Variants in GRID2 observed in about 807,000 individuals in gnomAD.
The protein encoded by GRID2 is glutamate ionotropic receptor delta type subunit 2.
Under a neutral mutation model 114.8 loss-of-function variants are expected in GRID2, and 33 were observed. The ratio of observed to expected loss-of-function variants is 0.29; its 90% CI spans 0.22 to 0.38. The LOEUF (loss-of-function observed/expected upper bound fraction) is 0.38. Among genes scored for constraint, GRID2 ranks in the 10% least tolerant of loss-of-function variants. The pLI is 1.00. For missense variants in GRID2, 1,184 were observed against 1,257.7 expected (o/e 0.94, Z 0.89); for synonymous variants, 505 against 449.9 (o/e 1.12, Z -1.55).
At chr4:93,078,511 G>A (rs1368620610) in intron 2 of GRID2, among the ~76,000 whole-genome samples, 1 of 150,774 alleles carries the variant, frequency 6.6e-6, no homozygotes, top group Non-Finnish European at 1.5e-5. Context: ...GTATATATAT[G>A]CACATATATA....
At chr4:92,745,423 G>A (rs1484397787) in intron 2 of GRID2, among the ~76,000 whole-genome samples, 1 of 152,004 alleles carries the variant, frequency 6.6e-6, no homozygotes, top group Non-Finnish European at 1.5e-5. Flanking sequence ...TAGGCATATT[G>A]TATAGACACA....
At chr4:92,405,728 A>T (rs74477390) in intron 1 of GRID2, among the ~76,000 whole-genome samples, 1 of 152,060 alleles carries the variant, frequency 6.6e-6, no homozygotes, top group African/African-American at 2.4e-5. Context: ...AAAAAAAAAA[A>T]ATCAGCTTAT....
In GRID2 at chr4:93,594,031, G is replaced by A. The variant is rs375056050; in HGVS notation, c.2194-32238G>A. Among the ~76,000 whole-genome samples, 27 of 151,952 alleles carry A rather than the reference G, an allele frequency of 1.8e-4. 1 individual carries two copies. In the East Asian group the frequency reaches 3.5e-3, roughly 20 times the overall value. ...TCCCGTAGCTCAGAGTAATTTGATC[G>A]TCTGAAGCCTTCTTCTCTCAGCTCG... is the stretch of plus-strand genomic sequence containing the variant. On this transcript the variant is annotated intron_variant, in intron 13 of 15. Transcript: ENST00000282020.
intron 13 of GRID2, among the ~76,000 whole-genome samples, chr4:93,606,848 T>C (rs528339086): frequency 1.3e-5 from 2 of 152,264 alleles, no homozygotes; most frequent in South Asian, 4.1e-4. Flanking sequence ...CTAACTATTA[T>C]TTTACTGTAT....
intron 2 of GRID2, among the ~76,000 whole-genome samples, chr4:92,888,759 T>C (rs1210037330): frequency 6.6e-6 from 1 of 151,778 alleles, no homozygotes; most frequent in African/African-American, 2.4e-5. Flanking sequence ...TTTTATAATA[T>C]GTTTCTCTTG....
chr4:92,675,387 T>C (rs1246083888), intron 2 of GRID2, among the ~76,000 whole-genome samples: 11 of 152,072 alleles, frequency 7.2e-5, no homozygotes, highest in Admixed American at 7.2e-4. Flanking sequence ...TCCAAAAATT[T>C]CTCTTCAGAA....
chr4:93,474,558 A>G (rs576812600), intron 11 of GRID2, among the ~76,000 whole-genome samples: 25 of 152,270 alleles, frequency 1.6e-4, no homozygotes, highest in Middle Eastern at 6.8e-3. Flanking sequence ...TAGGAAGCCC[A>G]TGATCTAAAC....
At chr4:93,481,285 A>G (rs1196604869) in intron 11 of GRID2, among the ~76,000 whole-genome samples, 1 of 152,056 alleles carries the variant, frequency 6.6e-6, no homozygotes, top group Non-Finnish European at 1.5e-5. Context: ...AGAAGTGGTG[A>G]GAGGTTGCTT....
At chr4:93,352,254 A>T (rs189822293) in intron 8 of GRID2, among the ~76,000 whole-genome samples, 14 of 152,130 alleles carry the variant, frequency 9.2e-5, no homozygotes. Flanking sequence ...GTTAATAACT[A>T]TATTCAAATA....
At chr4:93,080,546 C>A (rs765084308) in intron 2 of GRID2, among the ~76,000 whole-genome samples, 1 of 152,128 alleles carries the variant, frequency 6.6e-6, no homozygotes, top group African/African-American at 2.4e-5. Flanking sequence ...ACTGAATAAA[C>A]TAGAAACTCT....
intron 1 of GRID2, among the ~76,000 whole-genome samples, chr4:93,802,288 T>C: frequency 6.6e-6 from 1 of 152,160 alleles, no homozygotes; most frequent in East Asian, 1.9e-4. Context: ...CTTCATCACT[T>C]ACATTTATCT....
intron 2 of GRID2, among the ~76,000 whole-genome samples, chr4:92,972,400 A>G (rs1005088223): frequency 4.6e-5 from 7 of 152,082 alleles, no homozygotes; most frequent in Non-Finnish European, 1.0e-4. Flanking sequence ...AATATAGAGT[A>G]AAATATTTGA....
Position 92,922,210 on chromosome 4 carries a change from G to A in GRID2, c.245-162785G>A, listed in dbSNP as rs144739213. On this transcript the variant is annotated intron_variant, in intron 2 of 15. Coordinates refer to ENST00000282020, the MANE Select transcript of GRID2 (RefSeq NM_001510.4). ...GACAGTTGGAAAAGCACAGTATTAC[G>A]ATGGGAGTGACCCAATTTTCCAGGT... is the stretch of plus-strand genomic sequence containing the variant. Among the ~76,000 whole-genome samples the A allele has an allele frequency of 4.4e-3, 663 of 152,278 alleles. 2 individuals carry two copies. Among genetic ancestry groups the A allele is most frequent in the African/African-American group, 0.015 (619 of 41,566 alleles).
intron 2 of GRID2, among the ~76,000 whole-genome samples, chr4:92,711,112 T>C (rs1397706690): frequency 6.6e-6 from 1 of 152,156 alleles, no homozygotes; most frequent in Non-Finnish European, 1.5e-5. Flanking sequence ...ACTTATACTT[T>C]GTACTATTTT....
At chr4:92,353,514 A>C (rs574031131) in intron 1 of GRID2, among the ~76,000 whole-genome samples, 1 of 152,098 alleles carries the variant, frequency 6.6e-6, no homozygotes, top group East Asian at 1.9e-4. Flanking sequence ...GGAGTCTCTA[A>C]TCATTTGTCT....
chr4:93,139,062 A>G (rs556846403), intron 4 of GRID2, among the ~76,000 whole-genome samples: 1 of 152,230 alleles, frequency 6.6e-6, no homozygotes, highest in Non-Finnish European at 1.5e-5. Flanking sequence ...GGCTCCAATC[A>G]AAAACAGATT....
intron 8 of GRID2, among the ~76,000 whole-genome samples, chr4:93,267,291 C>T (rs1750959912): frequency 6.6e-6 from 1 of 151,936 alleles, no homozygotes; most frequent in Non-Finnish European, 1.5e-5. Context: ...CACCCACTAA[C>T]TCTACGCTGG....
chr4:93,528,150 T>C (rs536160494), intron 13 of GRID2, among the ~76,000 whole-genome samples: 3 of 151,862 alleles, frequency 2.0e-5, no homozygotes, highest in African/African-American at 7.2e-5. Context: ...TTTATATATA[T>C]GCTATATATA....
intron 4 of GRID2, among the ~76,000 whole-genome samples, chr4:93,196,672 G>A (rs1391792129): frequency 6.6e-6 from 1 of 152,112 alleles, no homozygotes; most frequent in Non-Finnish European, 1.5e-5. Flanking sequence ...TGTAAGAACA[G>A]TAGTAGACTA....
Sources: gnomAD v4.1 joint callset for allele counts (sites outside exome capture counted in the v4.1 genomes callset) on GRCh38, gnomAD v4.1.1 for gene constraint, MANE v1.5 for transcripts, NCBI Gene and HGNC (gene_info 2026-07-23, HGNC 2026-07-21) for gene names.